Variants in ADCY9 observed in about 807,000 individuals in gnomAD.
ADCY9 encodes adenylate cyclase 9.
In ADCY9, 50 loss-of-function variants were observed where a neutral mutation model predicts 101.5. The ratio of observed to expected loss-of-function variants is 0.49; its 90% CI spans 0.39 to 0.62. The LOEUF is 0.62. ADCY9 is among the 20% of genes least tolerant of loss of function. The probability of loss-of-function intolerance (pLI) is 0.00; values close to 1 mark genes in which losing one functional copy is unlikely to be tolerated. For missense variants in ADCY9, 1,662 were observed against 1,800.4 expected (o/e 0.92, Z 1.39); for synonymous variants, 905 against 769.3 (o/e 1.18, Z -2.92).
chr16:4,011,839 A>T (rs2056406538), intron 2 of ADCY9, among the ~76,000 whole-genome samples: 1 of 151,746 alleles, frequency 6.6e-6, no homozygotes, highest in East Asian at 1.9e-4. Flanking sequence ...GAGCAGGGCT[A>T]GTGAGCTGCT....
At chr16:4,048,003 C>T (rs1332550575) in intron 2 of ADCY9, among the ~76,000 whole-genome samples, 1 of 152,126 alleles carries the variant, frequency 6.6e-6, no homozygotes, top group Non-Finnish European at 1.5e-5. Context: ...CTTGGGGCTT[C>T]TGTGACGTCC....
chr16:3,975,766 C>T (rs1489950543), intron 9 of ADCY9, among the ~76,000 whole-genome samples: 2 of 152,118 alleles, frequency 1.3e-5, no homozygotes, highest in Non-Finnish European at 2.9e-5. Flanking sequence ...AATAGTGAAA[C>T]ATTTTTATAA....
At chr16:3,961,246 G>A (rs187509547), downstream of ADCY9, among the ~76,000 whole-genome samples, 13 of 152,000 alleles carry the variant, frequency 8.6e-5, no homozygotes, top group African/African-American at 2.9e-4. Context: ...CCAGGAGTTC[G>A]AGAACAGCCT....
chr16:4,021,539 C>G (rs2056476801), intron 2 of ADCY9, among the ~76,000 whole-genome samples: 3 of 152,214 alleles, frequency 2.0e-5, no homozygotes, highest in Admixed American at 6.5e-5. Flanking sequence ...ACTGTAGATA[C>G]ACGAGCTCCG....
intron 2 of ADCY9, among the ~76,000 whole-genome samples, chr16:4,048,102 C>G (rs2056678020): frequency 8.6e-6 from 1 of 116,108 alleles, no homozygotes; most frequent in South Asian, 3.0e-4. Context: ...AAAGAGAGAT[C>G]TTTTCACTGG....
intron 5 of ADCY9, among the ~76,000 whole-genome samples, chr16:3,954,051 G>A (rs2055894865): frequency 6.6e-6 from 1 of 152,162 alleles, no homozygotes; most frequent in Non-Finnish European, 1.5e-5. Flanking sequence ...CACAGAGGAT[G>A]GTAAGGCTCT....
At chr16:4,090,761 G>A (rs1052325103) in intron 2 of ADCY9, among the ~76,000 whole-genome samples, 1 of 151,432 alleles carries the variant, frequency 6.6e-6, no homozygotes, top group Non-Finnish European at 1.5e-5. Context: ...GCTTGCCCTA[G>A]ATACCAACTG....
intron 2 of ADCY9, among the ~76,000 whole-genome samples, chr16:4,110,042 C>A (rs1381012635): frequency 6.6e-6 from 1 of 152,182 alleles, no homozygotes; most frequent in East Asian, 1.9e-4. Context: ...ACCTGGAGAG[C>A]CACAGCCTGA....
At chr16:4,108,641 G>A (rs948037075) in intron 2 of ADCY9, among the ~76,000 whole-genome samples, 9 of 149,100 alleles carry the variant, frequency 6.0e-5, no homozygotes, top group South Asian at 2.1e-4. Context: ...CAAAGTGCTG[G>A]GATTACAGGC....
At chr16:4,110,330 C>T (rs987117068) in intron 2 of ADCY9, among the ~76,000 whole-genome samples, 8 of 147,608 alleles carry the variant, frequency 5.4e-5, no homozygotes, top group African/African-American at 1.7e-4. Flanking sequence ...TTCCCAAAGG[C>T]GGAAAGTAGC....
At chr16:3,959,163 C>T (rs986499540), downstream of ADCY9, among the ~76,000 whole-genome samples, 4 of 151,988 alleles carry the variant, frequency 2.6e-5, no homozygotes, top group African/African-American at 9.7e-5. Flanking sequence ...GAATTTGAGA[C>T]CAGCCTGAGC....
Position 3,966,983 on chromosome 16 carries a change from C to G in ADCY9, c.2871-17G>C. On this transcript the variant is annotated splice_polypyrimidine_tract_variant and intron_variant, in intron 10 of 10. Coordinates refer to ENST00000294016, the MANE Select transcript of ADCY9 (RefSeq NM_001116.4). ...CTCTCGGAACTGGAGAGCAAAGACA[C>G]GGGAAAGGGAGAGGTTACTGCTCGG... 6.3e-7 allele frequency: 1 copy of G among 1,596,974 alleles called. No homozygotes were observed. The highest frequency in any genetic ancestry group is 8.5e-7 in the Non-Finnish European group (1 of 1,169,850).
chr16:4,028,664 C>A (rs531455893), intron 2 of ADCY9, among the ~76,000 whole-genome samples: 1 of 152,276 alleles, frequency 6.6e-6, no homozygotes, highest in South Asian at 2.1e-4. Context: ...CCAGATGATA[C>A]CCTAAATTTT....
At chr16:4,065,121 G>C (rs1281566096) in intron 2 of ADCY9, among the ~76,000 whole-genome samples, 1 of 152,208 alleles carries the variant, frequency 6.6e-6, no homozygotes, top group Non-Finnish European at 1.5e-5. Flanking sequence ...TCATGTGCCA[G>C]ACCAGAAGCT....
chr16:3,993,026 C>T (rs373551413), intron 4 of ADCY9, among the ~76,000 whole-genome samples: 2 of 152,244 alleles, frequency 1.3e-5, no homozygotes, highest in Admixed American at 6.5e-5. Context: ...AACTCCCAAC[C>T]TCTCTCTTCA....
intron 6 of ADCY9, among the ~76,000 whole-genome samples, chr16:3,988,658 T>A (rs1453653339): frequency 1.9e-5 from 2 of 103,594 alleles, no homozygotes; most frequent in Non-Finnish European, 3.7e-5. Flanking sequence ...GTGGGGGGGT[T>A]TCCTTCCAGG....
intron 2 of ADCY9, among the ~76,000 whole-genome samples, chr16:4,111,887 C>G (rs1424362097): frequency 6.8e-6 from 1 of 147,766 alleles, no homozygotes; most frequent in Non-Finnish European, 1.5e-5. Context: ...GACCCCTGAT[C>G]TACAAACTTA....
At chr16:3,982,443 C>T (rs1597142904) in intron 7 of ADCY9, 1 of 152,372 alleles carries the variant, frequency 6.6e-6, no homozygotes. Flanking sequence ...CAGGACCACC[C>T]AAGGGGCTTG....
intron 2 of ADCY9, among the ~76,000 whole-genome samples, chr16:4,017,364 G>A (rs2056445138): frequency 6.7e-6 from 1 of 150,062 alleles, no homozygotes; most frequent in East Asian, 2.0e-4. Context: ...GATAATGTGG[G>A]CCAGGCATGG....
Sources: gnomAD v4.1 joint callset for allele counts (sites outside exome capture counted in the v4.1 genomes callset) on GRCh38, gnomAD v4.1.1 for gene constraint, MANE v1.5 for transcripts, NCBI Gene and HGNC (gene_info 2026-07-23, HGNC 2026-07-21) for gene names.